The following PTPRD variants were observed in gnomAD, a reference collection of about 807,000 sequenced individuals.
PTPRD encodes the protein receptor-type tyrosine-protein phosphatase delta.
A neutral mutation model predicts 214.5 loss-of-function variants in PTPRD; 34 were observed. That is an observed-to-expected ratio of 0.16 (90% CI 0.12 to 0.21). The LOEUF (loss-of-function observed/expected upper bound fraction) is 0.21. PTPRD is among the 10% of genes least tolerant of loss of function. PTPRD has a pLI of 1.00. For missense variants in PTPRD, 2,545 were observed against 2,398.7 expected (o/e 1.06, Z -1.27); for synonymous variants, 1,128 against 845.7 (o/e 1.33, Z -5.79).
intron 14 of PTPRD, among the ~76,000 whole-genome samples, chr9:8,598,545 T>C (rs2094600857): frequency 6.6e-6 from 1 of 152,118 alleles, no homozygotes; most frequent in Admixed American, 6.5e-5. Flanking sequence ...AAAGGACATA[T>C]AATCAGTCAA....
At chr9:9,411,587 C>T (rs1016019144) in intron 8 of PTPRD, among the ~76,000 whole-genome samples, 2 of 152,154 alleles carry the variant, frequency 1.3e-5, no homozygotes, top group Non-Finnish European at 2.9e-5. Context: ...CTTTTGCTAA[C>T]GTTTCCGAAA....
At chr9:8,975,452 A>G (rs2099263073) in intron 11 of PTPRD, among the ~76,000 whole-genome samples, 1 of 152,074 alleles carries the variant, frequency 6.6e-6, no homozygotes, top group South Asian at 2.1e-4. Context: ...ATGTACATAT[A>G]ATTACAAAAG....
At chr9:9,175,629 A>AGCAAAC (rs1554914061) in intron 10 of PTPRD, among the ~76,000 whole-genome samples, 1 of 110,964 alleles carries the variant, frequency 9.0e-6, no homozygotes, top group South Asian at 3.0e-4. Context: ...TCTCAAAAAA[A>AGCAAAC]AAAAAAAAAA....
At chr9:8,813,600 T>C (rs10739172) in intron 11 of PTPRD, among the ~76,000 whole-genome samples, 70,256 of 151,854 alleles carry the variant, frequency 0.46, 16,776 homozygotes, top group African/African-American at 0.59. Context: ...CTCAAACTCC[T>C]AGGCTAAAGC....
intron 12 of PTPRD, among the ~76,000 whole-genome samples, chr9:8,642,703 G>C (rs1480664625): frequency 1.3e-5 from 2 of 152,148 alleles, no homozygotes; most frequent in Non-Finnish European, 2.9e-5. Flanking sequence ...GGTTTGAGGG[G>C]AATGAGTTAC....
At chr9:10,252,249 T>C (rs1257046251) in intron 3 of PTPRD, among the ~76,000 whole-genome samples, 1 of 152,192 alleles carries the variant, frequency 6.6e-6, no homozygotes, top group East Asian at 1.9e-4. Context: ...TGAAATGGTG[T>C]GTTCTGCAAA....
intron 14 of PTPRD, among the ~76,000 whole-genome samples, chr9:8,563,303 C>G (rs144458047): frequency 6.6e-6 from 1 of 152,126 alleles, no homozygotes; most frequent in African/African-American, 2.4e-5. Flanking sequence ...ATGCATATGT[C>G]AAAACTATCA....
intron 8 of PTPRD, among the ~76,000 whole-genome samples, chr9:9,400,957 G>C (rs572108337): frequency 1.4e-4 from 22 of 152,094 alleles, no homozygotes; most frequent in East Asian, 3.9e-4. Context: ...CCTGGCATTT[G>C]AATGCAGGAA....
chr9:8,609,009 T>C (rs1482009632), intron 14 of PTPRD, among the ~76,000 whole-genome samples: 1 of 152,170 alleles, frequency 6.6e-6, no homozygotes, highest in East Asian at 1.9e-4. Flanking sequence ...ATATCACCTC[T>C]ATAATTCAGA....
intron 21 of PTPRD, among the ~76,000 whole-genome samples, chr9:8,510,556 T>C (rs1477194010): frequency 6.6e-6 from 1 of 152,200 alleles, no homozygotes; most frequent in African/African-American, 2.4e-5. Flanking sequence ...AACCTTTCCA[T>C]TCTTAATTAC....
intron 11 of PTPRD, among the ~76,000 whole-genome samples, chr9:8,928,611 A>G (rs2098921663): frequency 6.6e-6 from 1 of 151,092 alleles, no homozygotes; most frequent in Non-Finnish European, 1.5e-5. Flanking sequence ...GTATAGTTTG[A>G]AGTCAGGTAG....
At chr9:8,787,108 T>A (rs1232040452) in intron 11 of PTPRD, among the ~76,000 whole-genome samples, 1 of 152,098 alleles carries the variant, frequency 6.6e-6, no homozygotes, top group Admixed American at 6.5e-5. Flanking sequence ...AGTGCTAGAA[T>A]TACAGACATG....
At chr9:9,671,364 A>C (rs1330081676) in intron 7 of PTPRD, among the ~76,000 whole-genome samples, 1 of 152,146 alleles carries the variant, frequency 6.6e-6, no homozygotes, top group East Asian at 1.9e-4. Flanking sequence ...TTTGGATTTT[A>C]CAGGCTCATA....
chr9:8,848,566 A>T (rs1278572339), intron 11 of PTPRD, among the ~76,000 whole-genome samples: 1 of 150,498 alleles, frequency 6.6e-6, no homozygotes, highest in African/African-American at 2.5e-5. Flanking sequence ...GCTGGTCTTA[A>T]ACTCCTGGGC....
intron 2 of PTPRD, among the ~76,000 whole-genome samples, chr9:10,416,275 T>G (rs1193443360): frequency 6.6e-6 from 1 of 151,834 alleles, no homozygotes; most frequent in African/African-American, 2.4e-5. Flanking sequence ...GGAGAATTGC[T>G]TGAACCTGGG....
chr9:9,899,238 T>C (rs1398914903), intron 5 of PTPRD, among the ~76,000 whole-genome samples: 1 of 151,902 alleles, frequency 6.6e-6, no homozygotes. Flanking sequence ...AACTCATAGA[T>C]CTAAATAATG....
chr9:9,798,736 A>T (rs2099019926), intron 5 of PTPRD, among the ~76,000 whole-genome samples: 1 of 152,226 alleles, frequency 6.6e-6, no homozygotes, highest in Admixed American at 6.5e-5. Context: ...AAGGAAATAA[A>T]GTAGTTGCTG....
intron 3 of PTPRD, among the ~76,000 whole-genome samples, chr9:10,047,353 CTT>C (rs2097425621): frequency 1.5e-5 from 2 of 136,120 alleles, no homozygotes; most frequent in Non-Finnish European, 3.1e-5. Flanking sequence ...TGTGTGTGTG[CTT>C]GTGTGATAAT....
intron 2 of PTPRD, among the ~76,000 whole-genome samples, chr9:10,519,114 A>G (rs1191111533): frequency 6.6e-6 from 1 of 151,998 alleles, no homozygotes; most frequent in East Asian, 1.9e-4. Flanking sequence ...AAGGGATTTC[A>G]TATGGTGAAA....
Sources: gnomAD v4.1 joint callset for allele counts (sites outside exome capture counted in the v4.1 genomes callset) on GRCh38, gnomAD v4.1.1 for gene constraint, MANE v1.5 for transcripts, NCBI Gene and HGNC (gene_info 2026-07-23, HGNC 2026-07-21) for gene names.